The following DNAH7 variants were observed in gnomAD, a reference collection of about 807,000 sequenced individuals.
DNAH7 encodes the protein dynein axonemal heavy chain 7, also known as axonemal beta dynein heavy chain 7.
Under a neutral mutation model 444.6 loss-of-function variants are expected in DNAH7, and 397 were observed. That is an observed-to-expected ratio of 0.89 (90% CI 0.82 to 0.97). The LOEUF (loss-of-function observed/expected upper bound fraction) is 0.97, where lower values mean the gene tolerates loss of function less well. Among genes scored for constraint, DNAH7 ranks in the 50% least tolerant of loss-of-function variants. The pLI is 0.00. For synonymous variants in DNAH7, 1,636 were observed against 1,624.4 expected (o/e 1.01, Z -0.17); for missense variants, 4,902 against 4,800.8 (o/e 1.02, Z -0.62).
At position 196,068,708 on chromosome 2, in the gene DNAH7, T is replaced by C; in HGVS notation, c.4A>G (p.Ser2Gly). MSSEQDKSASKE... is the reference protein window; with the variant it reads MGSEQDKSASKE... ...AGCAGCCCTCTCACCTGCTCACTGCTCATGGCTGCGAGGACGCGCTGGCCT... is the reference window on the plus strand; with the variant it reads ...AGCAGCCCTCTCACCTGCTCACTGCCCATGGCTGCGAGGACGCGCTGGCCT... Residue 2 changes from serine to glycine, a missense_variant, in exon 1 of 65, where the codon AGC becomes GGC. Transcript: ENST00000312428. The C allele has an allele frequency of 6.4e-7, 1 of 1,551,526 alleles. No homozygotes were observed. Among genetic ancestry groups the C allele is most frequent in the Non-Finnish European group, 8.7e-7 (1 of 1,147,376 alleles).
At chr2:196,042,614 A>G (rs1401647031) in intron 5 of DNAH7, among the ~76,000 whole-genome samples, 1 of 152,096 alleles carries the variant, frequency 6.6e-6, no homozygotes, top group Non-Finnish European at 1.5e-5. Flanking sequence ...ACCCAATATT[A>G]GTCATTAGGG....
intron 23 of DNAH7, among the ~76,000 whole-genome samples, chr2:195,922,724 C>T (rs1235762977): frequency 6.6e-6 from 1 of 152,184 alleles, no homozygotes; most frequent in Non-Finnish European, 1.5e-5. Flanking sequence ...TCTATGCCCA[C>T]GCCCAATAGG....
chr2:195,879,929 C>CA (rs1212280021), intron 36 of DNAH7, among the ~76,000 whole-genome samples: 1 of 152,288 alleles, frequency 6.6e-6, no homozygotes, highest in East Asian at 1.9e-4. Flanking sequence ...AAAACTCCCT[C>CA]AACAGATTTG....
intron 20 of DNAH7, among the ~76,000 whole-genome samples, chr2:195,935,344 C>T (rs1349073806): frequency 1.3e-5 from 2 of 152,138 alleles, no homozygotes; most frequent in African/African-American, 2.4e-5. Context: ...ACCAATAACC[C>T]GTTGCATTCA....
At chr2:195,791,069 G>T (rs571122219) in intron 57 of DNAH7, among the ~76,000 whole-genome samples, 1 of 152,194 alleles carries the variant, frequency 6.6e-6, no homozygotes, top group East Asian at 1.9e-4. Flanking sequence ...CTTACAAGTG[G>T]CCAAGAAACA....
chr2:195,947,087 A>G lies in DNAH7; in HGVS notation c.3078+10174T>C, dbSNP rs929658297. On this transcript the variant is annotated intron_variant, in intron 19 of 64. Transcript: ENST00000312428. ...GACATCTCAATAAAGCCAATTATAT[A>G]TATATTTATATAATTATAATATATA... 2.3e-4 allele frequency among the ~76,000 whole-genome samples: 34 copies of G among 148,058 alleles called. 1 individual carries two copies. The highest frequency in any genetic ancestry group is 8.1e-4 in the African/African-American group (33 of 40,858).
intron 63 of DNAH7, 149 bp downstream of exon 63, chr2:195,754,188 T>C: frequency 1.2e-6 from 1 of 818,612 alleles, no homozygotes. Context: ...TCATTTGCTC[T>C]CTGTATCTCA....
chr2:195,921,365 A>ACACG (rs1688012728), intron 24 of DNAH7, among the ~76,000 whole-genome samples: 1 of 150,418 alleles, frequency 6.6e-6, no homozygotes, highest in East Asian at 1.9e-4. Context: ...ACACACACAC[A>ACACG]CACACACACA....
intron 40 of DNAH7, among the ~76,000 whole-genome samples, chr2:195,868,570 A>G (rs984464454): frequency 6.6e-6 from 1 of 150,482 alleles, no homozygotes; most frequent in East Asian, 1.9e-4. Flanking sequence ...TTGTTGAGTT[A>G]TAACAGTTCT....
At chr2:196,037,889 A>G (rs771112561) in intron 5 of DNAH7, among the ~76,000 whole-genome samples, 3 of 152,176 alleles carry the variant, frequency 2.0e-5, no homozygotes, top group Non-Finnish European at 4.4e-5. Context: ...CAAAACTCAG[A>G]AAGATCCCCA....
intron 42 of DNAH7, 34 bp from the exon 43 acceptor site, chr2:195,858,838 G>T (rs553357255): frequency 6.5e-7 from 1 of 1,549,952 alleles, no homozygotes; most frequent in Admixed American, 1.9e-5. Flanking sequence ...AGTTAATCAT[G>T]AGGCTCTGTA....
At chr2:195,841,940 C>G (rs1698712687) in intron 47 of DNAH7, among the ~76,000 whole-genome samples, 2 of 151,974 alleles carry the variant, frequency 1.3e-5, no homozygotes, top group African/African-American at 4.8e-5. Flanking sequence ...AGCAGTTGCA[C>G]AGACCACAGA....
At position 196,040,510 on chromosome 2, in the gene DNAH7, A is replaced by G. The variant is rs990121158; in HGVS notation, c.398+6842T>C. 2.6e-5 allele frequency among the ~76,000 whole-genome samples: 4 copies of G among 152,340 alleles called. No individual in the cohort carries two copies. The South Asian group carries it at 8.3e-4, about 32-fold the overall frequency. ...TTAATAGATGTGGAAAAAGCATTTG[A>G]TAAAATTCAACATGCCTTTGTGAAA... On this transcript the variant is annotated intron_variant, in intron 5 of 64. Coordinates refer to ENST00000312428, the MANE Select transcript of DNAH7 (RefSeq NM_018897.3).
intron 15 of DNAH7, among the ~76,000 whole-genome samples, chr2:195,975,997 T>C (rs746751327): frequency 6.6e-6 from 1 of 152,128 alleles, no homozygotes; most frequent in Non-Finnish European, 1.5e-5. Context: ...ACAACTGTAG[T>C]GGCTACCAAG....
rs533541987 is a variant in DNAH7, at chr2:196,019,059, A to G, written c.869+111T>C. ...AAAACCATGTTTGAATACTTACATT[A>G]AAATGGTAATGTTTTACTTTGCAGT... On this transcript the variant is annotated intron_variant, in intron 9 of 64. Transcript: ENST00000312428. 23 of 1,142,444 alleles carry G rather than the reference A, an allele frequency of 2.0e-5. No homozygotes were observed. The South Asian group carries it at 8.2e-4, about 41-fold the overall frequency. The allele number at this position is 1,142,444 out of a possible 1,614,324, so 70.8% of individuals were successfully genotyped here. A position where few individuals can be genotyped will look rare whatever the true frequency, so the allele number is the denominator to read the frequency against.
chr2:195,945,215 A>G (rs1689718066), intron 19 of DNAH7, among the ~76,000 whole-genome samples: 1 of 152,140 alleles, frequency 6.6e-6, no homozygotes, highest in Non-Finnish European at 1.5e-5. Flanking sequence ...AAATCACTGG[A>G]AAGCCTAGGG....
At chr2:195,897,182 T>C (rs902583935) in intron 29 of DNAH7, among the ~76,000 whole-genome samples, 3 of 152,194 alleles carry the variant, frequency 2.0e-5, no homozygotes, top group African/African-American at 7.2e-5. Flanking sequence ...TCTCAATTAC[T>C]CATAATCTTA....
At chr2:195,942,089 T>C (rs528300578) in intron 19 of DNAH7, among the ~76,000 whole-genome samples, 48 of 152,072 alleles carry the variant, frequency 3.2e-4, no homozygotes, top group African/African-American at 1.2e-3. Flanking sequence ...ACAAACATCA[T>C]ATTGATAAAT....
intron 17 of DNAH7, 73 bp downstream of exon 17, chr2:195,969,875 G>T (rs1043324264): frequency 9.7e-6 from 14 of 1,442,104 alleles, no homozygotes; most frequent in African/African-American, 1.4e-5. Context: ...CTTCTTAAAG[G>T]TGAATAACTA....
Sources: allele counts gnomAD v4.1 joint callset (sites outside exome capture counted in the v4.1 genomes callset), GRCh38; gene constraint gnomAD v4.1.1; transcripts MANE v1.5; gene names NCBI Gene and HGNC (gene_info 2026-07-23, HGNC 2026-07-21).